SNX29: variants seen among roughly 807,000 people sequenced by gnomAD.
SNX29 encodes sorting nexin-29.
In SNX29, 78 loss-of-function variants were observed where a neutral mutation model predicts 102.1. The ratio of observed to expected loss-of-function variants is 0.76; its 90% CI spans 0.64 to 0.92. The LOEUF is 0.92. Ranked by LOEUF, SNX29 falls within the 40% of genes least tolerant of loss-of-function variation. SNX29 has a pLI of 0.00. For synonymous variants in SNX29, 580 were observed against 414.5 expected, an observed-to-expected ratio of 1.40 and a Z score of -4.85; for missense variants, 1,280 against 1,061.7, an observed-to-expected ratio of 1.21 and a Z score of -2.86.
At chr16:12,171,423 C>T (rs928072046) in intron 13 of SNX29, among the ~76,000 whole-genome samples, 1 of 152,126 alleles carries the variant, frequency 6.6e-6, no homozygotes. Context: ...TGAAGTCATA[C>T]CAGAGCATGG....
At chr16:12,168,826 A>G (rs186150044) in intron 13 of SNX29, among the ~76,000 whole-genome samples, 18 of 152,322 alleles carry the variant, frequency 1.2e-4, no homozygotes, top group East Asian at 1.2e-3. Flanking sequence ...TCAGGAGAAA[A>G]GCTCTTAGAA....
At chr16:12,420,756 A>G (rs1350110259) in intron 18 of SNX29, among the ~76,000 whole-genome samples, 1 of 152,142 alleles carries the variant, frequency 6.6e-6, no homozygotes, top group African/African-American at 2.4e-5. Flanking sequence ...TGAGATGAAG[A>G]GGCAGCCTCA....
At chr16:12,565,940 G>A (rs926388472) in intron 20 of SNX29, among the ~76,000 whole-genome samples, 4 of 152,082 alleles carry the variant, frequency 2.6e-5, no homozygotes, top group South Asian at 2.1e-4. Flanking sequence ...TCCAGTGTCT[G>A]CCCTCCCCAT....
chr16:12,306,915 G>T (rs1377582960), intron 15 of SNX29, among the ~76,000 whole-genome samples: 6 of 152,182 alleles, frequency 3.9e-5, no homozygotes, highest in Non-Finnish European at 7.3e-5. Context: ...GAGGGCTTCG[G>T]TGATCGCAGG....
intron 11 of SNX29, among the ~76,000 whole-genome samples, chr16:12,108,736 C>T (rs977971191): frequency 1.3e-5 from 2 of 152,146 alleles, no homozygotes; most frequent in South Asian, 2.1e-4. Context: ...TTGAACCCAG[C>T]CTGAGCCCTG....
At chr16:12,275,761 TAATA>T (rs1567386271) in intron 14 of SNX29, among the ~76,000 whole-genome samples, 7 of 151,812 alleles carry the variant, frequency 4.6e-5, no homozygotes, top group African/African-American at 1.7e-4. Context: ...TTTTGACACA[TAATA>T]AATTGTGCAT....
chr16:12,300,777 G>A (rs1406261155), intron 15 of SNX29, among the ~76,000 whole-genome samples: 1 of 152,156 alleles, frequency 6.6e-6, no homozygotes, highest in Non-Finnish European at 1.5e-5. Context: ...TTTGGACTGC[G>A]TAGCTGTTTG....
intron 15 of SNX29, among the ~76,000 whole-genome samples, chr16:12,310,295 G>T (rs1452238565): frequency 6.6e-6 from 1 of 152,172 alleles, no homozygotes; most frequent in Non-Finnish European, 1.5e-5. Flanking sequence ...AGCTTCAAAG[G>T]CAAGGTTCTC....
At chr16:12,155,606 A>G (rs915925414) in intron 13 of SNX29, among the ~76,000 whole-genome samples, 3 of 152,172 alleles carry the variant, frequency 2.0e-5, no homozygotes, top group Non-Finnish European at 4.4e-5. Context: ...CCGCTTTTCT[A>G]TGCTAGCTGC....
At chr16:12,131,864 CT>C (rs2054481962) in intron 13 of SNX29, among the ~76,000 whole-genome samples, 1 of 152,160 alleles carries the variant, frequency 6.6e-6, no homozygotes, top group African/African-American at 2.4e-5. Context: ...AATCTTTGAG[CT>C]TTTCCCCTTT....
chr16:12,556,026 C>T (rs2856790), intron 20 of SNX29, among the ~76,000 whole-genome samples: 139,242 of 152,268 alleles, frequency 0.91, 64,367 homozygotes, highest in Middle Eastern at 0.98. Flanking sequence ...TCATGCCATG[C>T]CACCGTAGTG....
At chr16:12,563,399 T>C (rs1041650095) in intron 20 of SNX29, among the ~76,000 whole-genome samples, 4 of 152,146 alleles carry the variant, frequency 2.6e-5, no homozygotes, top group Admixed American at 1.3e-4. Context: ...ACCATGAAAA[T>C]AGATGGCGAC....
At chr16:12,454,898 A>G (rs1387516551) in intron 18 of SNX29, among the ~76,000 whole-genome samples, 3 of 151,790 alleles carry the variant, frequency 2.0e-5, no homozygotes, top group Non-Finnish European at 4.4e-5. Flanking sequence ...GGCATGCACC[A>G]CCATGCCTGG....
At chr16:12,553,588 T>G (rs906525481) in intron 20 of SNX29, among the ~76,000 whole-genome samples, 5 of 131,136 alleles carry the variant, frequency 3.8e-5, no homozygotes, top group Non-Finnish European at 6.6e-5. Context: ...GATGCTTTGT[T>G]CCCCACCCCC....
chr16:12,477,580 C>T lies in SNX29; in HGVS notation c.2038-139C>T. ...AGCACTAATAAATCCCTGCTCTATG[C>T]CAGGAACTGGGCATCCAGTGGTGTG... On this transcript the variant is annotated intron_variant, in intron 18 of 20. Coordinates refer to ENST00000566228, the MANE Select transcript of SNX29 (RefSeq NM_032167.5). The T allele has an allele frequency of 4.1e-6, 4 of 977,084 alleles. No homozygotes were observed. In the South Asian group the frequency reaches 4.9e-5, roughly 12 times the overall value. The allele number at this position is 977,084 out of a possible 1,614,324, so 60.5% of individuals were successfully genotyped here.
intron 15 of SNX29, among the ~76,000 whole-genome samples, chr16:12,347,914 CAAA>C (rs386384275): frequency 1.2e-4 from 15 of 121,120 alleles, no homozygotes; most frequent in African/African-American, 4.0e-4. Flanking sequence ...CCTGTCTTTA[CAAA>C]AAAAAAAAAA....
intron 15 of SNX29, among the ~76,000 whole-genome samples, chr16:12,303,352 AT>A (rs200229526): frequency 0.032 from 4,905 of 152,342 alleles, 126 homozygotes; most frequent in African/African-American, 0.062. Context: ...ATATCCATCG[AT>A]AAGAGAGTCG....
At chr16:12,091,730 T>G (rs1302964035) in intron 11 of SNX29, among the ~76,000 whole-genome samples, 2 of 133,122 alleles carry the variant, frequency 1.5e-5, no homozygotes, top group African/African-American at 5.9e-5. Context: ...TGAGCCAAGA[T>G]CATGCTACTG....
intron 11 of SNX29, among the ~76,000 whole-genome samples, chr16:12,116,998 C>T (rs1041759427): frequency 3.3e-5 from 5 of 150,452 alleles, no homozygotes; most frequent in South Asian, 2.1e-4. Context: ...TGGAAACAGG[C>T]GTGGTCAATA....
Sources: gnomAD v4.1 joint callset for allele counts (sites outside exome capture counted in the v4.1 genomes callset) on GRCh38, gnomAD v4.1.1 for gene constraint, MANE v1.5 for transcripts, NCBI Gene and HGNC (gene_info 2026-07-23, HGNC 2026-07-21) for gene names.